NTNG1: variants seen among roughly 807,000 people sequenced by gnomAD.
The protein encoded by NTNG1 is netrin-G1.
Under a neutral mutation model 54.0 loss-of-function variants are expected in NTNG1, and 16 were observed. The observed-to-expected ratio is 0.30, with a 90% CI of 0.20 to 0.45. NTNG1 has a LOEUF of 0.45. NTNG1 is among the 20% of genes least tolerant of loss of function. The pLI is 1.00. For missense variants in NTNG1, 530 were observed against 678.7 expected (o/e 0.78, Z 2.43); for synonymous variants, 255 against 263.1 (o/e 0.97, Z 0.30).
chr1:107,443,413 G>A (rs917184623), intron 7 of NTNG1, among the ~76,000 whole-genome samples: 1 of 46,480 alleles, frequency 2.2e-5, no homozygotes, highest in African/African-American at 6.4e-5. Context: ...TCTTTTTGGA[G>A]GGGATAGGGG....
intron 3 of NTNG1, among the ~76,000 whole-genome samples, chr1:107,345,680 C>A (rs1170629288): frequency 6.6e-6 from 1 of 152,126 alleles, no homozygotes; most frequent in Non-Finnish European, 1.5e-5. Flanking sequence ...ATTTTACGTG[C>A]AGCCTTTGCA....
At chr1:107,361,662 A>G (rs1182068718) in intron 3 of NTNG1, among the ~76,000 whole-genome samples, 1 of 151,946 alleles carries the variant, frequency 6.6e-6, no homozygotes, top group East Asian at 1.9e-4. Flanking sequence ...TGCTGGGATT[A>G]CAGGTGTGAG....
At chr1:107,307,472 G>C (rs890919013) in intron 2 of NTNG1, among the ~76,000 whole-genome samples, 4 of 152,072 alleles carry the variant, frequency 2.6e-5, no homozygotes, top group African/African-American at 9.7e-5. Flanking sequence ...TTAAATATTA[G>C]TTCATTTAGT....
chr1:107,384,728 G>A (rs560659051), intron 3 of NTNG1, among the ~76,000 whole-genome samples: 1 of 152,148 alleles, frequency 6.6e-6, no homozygotes, highest in Non-Finnish European at 1.5e-5. Flanking sequence ...TTGCAGAGAG[G>A]CTGCCTAGAG....
intron 2 of NTNG1, among the ~76,000 whole-genome samples, chr1:107,319,186 T>C (rs1272092867): frequency 2.0e-5 from 3 of 152,060 alleles, no homozygotes; most frequent in African/African-American, 7.2e-5. Context: ...TCTAAGTGTC[T>C]TCAGAAAAGT....
intron 3 of NTNG1, among the ~76,000 whole-genome samples, chr1:107,352,224 C>T (rs1346941991): frequency 6.6e-6 from 1 of 152,328 alleles, no homozygotes; most frequent in Non-Finnish European, 1.5e-5. Flanking sequence ...AGGCAGTGCT[C>T]CAATGGGGAC....
chr1:107,432,563 C>T (rs993658257), intron 6 of NTNG1, among the ~76,000 whole-genome samples: 79 of 152,024 alleles, frequency 5.2e-4, no homozygotes, highest in Admixed American at 1.1e-3. Context: ...TTAATGAAAA[C>T]CAAAAGACAT....
chr1:107,326,362 A>G, intron 3 of NTNG1, among the ~76,000 whole-genome samples: 1 of 152,262 alleles, frequency 6.6e-6, no homozygotes, highest in Non-Finnish European at 1.5e-5. Context: ...TAATTCATGT[A>G]TTATTAGCAG....
intron 3 of NTNG1, among the ~76,000 whole-genome samples, chr1:107,358,827 G>A (rs756116904): frequency 2.6e-5 from 4 of 152,180 alleles, no homozygotes; most frequent in African/African-American, 9.7e-5. Flanking sequence ...AAGTAAAAGA[G>A]TTTAGCTGTG....
chr1:107,252,734 G>A (rs1662688843), intron 2 of NTNG1, among the ~76,000 whole-genome samples: 1 of 152,186 alleles, frequency 6.6e-6, no homozygotes, highest in South Asian at 2.1e-4. Flanking sequence ...AAATTCTTAG[G>A]AAGTAGTATT....
chr1:107,279,543 T>C (rs956750264), intron 2 of NTNG1, among the ~76,000 whole-genome samples: 1 of 152,152 alleles, frequency 6.6e-6, no homozygotes, highest in Admixed American at 6.6e-5. Flanking sequence ...CCACACTAGG[T>C]TTCTACCTTT....
At chr1:107,212,068 G>A (rs1659631756) in intron 2 of NTNG1, among the ~76,000 whole-genome samples, 1 of 151,948 alleles carries the variant, frequency 6.6e-6, no homozygotes, top group Non-Finnish European at 1.5e-5. Context: ...AAATCTCTAA[G>A]GAGAAAATCA....
At chr1:107,191,459 TTG>T (rs1400012885) in intron 2 of NTNG1, among the ~76,000 whole-genome samples, 4 of 151,850 alleles carry the variant, frequency 2.6e-5, no homozygotes, top group Non-Finnish European at 5.9e-5. Context: ...ATTGTGGCTT[TTG>T]TTGCCATTGC....
At chr1:107,448,670 G>A (rs1295906457) in intron 7 of NTNG1, among the ~76,000 whole-genome samples, 1 of 152,060 alleles carries the variant, frequency 6.6e-6, no homozygotes, top group Non-Finnish European at 1.5e-5. Context: ...ATCACTTTGT[G>A]TTTATAAAAT....
intron 3 of NTNG1, among the ~76,000 whole-genome samples, chr1:107,393,080 A>G (rs1285397726): frequency 6.6e-6 from 1 of 152,192 alleles, no homozygotes; most frequent in Non-Finnish European, 1.5e-5. Context: ...CAGCTAATAT[A>G]ATGTCTTTAG....
rs138269513 is a variant in NTNG1, at chr1:107,464,965, C to T, written c.1391-15646C>T. ...GCTTATGTGGTGTTTCTCTCCAGGT[C>T]GGCCCAACCCCACATTCCCCCTCCT... On this transcript the variant is annotated intron_variant, in intron 7 of 7. Transcript: ENST00000370068. 1.6e-3 allele frequency among the ~76,000 whole-genome samples: 245 copies of T among 152,272 alleles called. 3 individuals are homozygous for T. Among genetic ancestry groups the T allele is most frequent in the African/African-American group, 5.5e-3 (228 of 41,546 alleles).
chr1:107,400,723 A>G (rs1672973547), intron 4 of NTNG1, among the ~76,000 whole-genome samples: 2 of 150,528 alleles, frequency 1.3e-5, no homozygotes, highest in Admixed American at 1.3e-4. Flanking sequence ...ATCTTGGCTC[A>G]CTGCAACCTC....
At chr1:107,214,024 T>A (rs1659775517) in intron 2 of NTNG1, among the ~76,000 whole-genome samples, 1 of 152,194 alleles carries the variant, frequency 6.6e-6, no homozygotes, top group Non-Finnish European at 1.5e-5. Context: ...GTTTTTCTTT[T>A]CACTCTCCCA....
At chr1:107,245,857 A>G (rs761603444) in intron 2 of NTNG1, among the ~76,000 whole-genome samples, 1 of 152,218 alleles carries the variant, frequency 6.6e-6, no homozygotes, top group South Asian at 2.1e-4. Context: ...AAATTGTTCT[A>G]TTACATGTTA....
Sources: gnomAD v4.1 joint callset for allele counts (sites outside exome capture counted in the v4.1 genomes callset) on GRCh38, gnomAD v4.1.1 for gene constraint, MANE v1.5 for transcripts, NCBI Gene and HGNC (gene_info 2026-07-23, HGNC 2026-07-21) for gene names.